VAV3: variants seen among roughly 807,000 people sequenced by gnomAD.
VAV3 encodes the protein vav guanine nucleotide exchange factor 3, also known as guanine nucleotide exchange factor VAV3.
Under a neutral mutation model 131.2 loss-of-function variants are expected in VAV3, and 94 were observed. The ratio of observed to expected loss-of-function variants is 0.72; its 90% CI spans 0.61 to 0.85. The LOEUF (loss-of-function observed/expected upper bound fraction) is 0.85, where lower values mean the gene tolerates loss of function less well. VAV3 is among the 40% of genes least tolerant of loss of function. The pLI is 0.00. For synonymous variants in VAV3, 349 were observed against 342.0 expected (o/e 1.02, Z -0.22); for missense variants, 939 against 1,002.7 (o/e 0.94, Z 0.86).
Position 107,613,111 on chromosome 1 carries a change from T to C in VAV3, c.1981-3146A>G, listed in dbSNP as rs143332310. Among the ~76,000 whole-genome samples the C allele has an allele frequency of 3.3e-5, 5 of 152,292 alleles. No homozygotes were observed. In the East Asian group the frequency reaches 5.8e-4, roughly 18 times the overall value. ...GTGGAAACTCTTGTTGCTTCTATTATTTCTGTTGTTAGCTGGGTCTAATAA... is the reference window on the plus strand; with the variant it reads ...GTGGAAACTCTTGTTGCTTCTATTACTTCTGTTGTTAGCTGGGTCTAATAA... On this transcript the variant is annotated intron_variant, in intron 21 of 26. Coordinates refer to ENST00000370056, the MANE Select transcript of VAV3 (RefSeq NM_006113.5).
At chr1:107,675,252 TATC>T (rs1189654191) in intron 19 of VAV3, among the ~76,000 whole-genome samples, 2 of 152,216 alleles carry the variant, frequency 1.3e-5, no homozygotes, top group Non-Finnish European at 2.9e-5. Context: ...TAACCACCAC[TATC>T]ATCATAATCT....
At chr1:107,842,716 T>C (rs541802523) in intron 2 of VAV3, among the ~76,000 whole-genome samples, 2 of 152,262 alleles carry the variant, frequency 1.3e-5, no homozygotes, top group African/African-American at 4.8e-5. Flanking sequence ...GGGTGTCATT[T>C]TTACGCATTT....
At chr1:107,814,519 T>G (rs916123007) in intron 2 of VAV3, among the ~76,000 whole-genome samples, 13 of 152,240 alleles carry the variant, frequency 8.5e-5, no homozygotes, top group Admixed American at 6.5e-4. Flanking sequence ...CCCAGTATAT[T>G]CTGGATATTA....
chr1:107,605,696 T>G (rs902638882), intron 22 of VAV3, among the ~76,000 whole-genome samples: 2 of 152,174 alleles, frequency 1.3e-5, no homozygotes, highest in African/African-American at 4.8e-5. Context: ...CTTTGCTTCA[T>G]GCACAAAATT....
rs1454459010 is a variant in VAV3 at position 107,774,440 on chromosome 1, C to T, written c.447-1597G>A. 5.3e-5 allele frequency among the ~76,000 whole-genome samples: 8 copies of T among 152,140 alleles called. 1 individual carries two copies. Among genetic ancestry groups the T allele is most frequent in the South Asian group, 4.1e-4 (2 of 4,830 alleles). Reference sequence around the variant, plus strand: ...GCATGCGTGCATGCAAGTGCACAAACGCAAACACACACACAAGACTGGTCT... The same window carrying T: ...GCATGCGTGCATGCAAGTGCACAAATGCAAACACACACACAAGACTGGTCT... On this transcript the variant is annotated intron_variant, in intron 4 of 26. Coordinates refer to ENST00000370056, the MANE Select transcript of VAV3 (RefSeq NM_006113.5).
chr1:107,617,027 G>A (rs774016976), intron 21 of VAV3, among the ~76,000 whole-genome samples: 1 of 152,120 alleles, frequency 6.6e-6, no homozygotes, highest in Non-Finnish European at 1.5e-5. Flanking sequence ...AATATTAATT[G>A]AGGAAATGTT....
chr1:107,757,415 A>T, intron 10 of VAV3, 86 bp from the exon 11 acceptor site: 1 of 1,140,378 alleles, frequency 8.8e-7, no homozygotes, highest in South Asian at 1.6e-5. Context: ...ATAAACCATT[A>T]TTATTGGTTT....
intron 1 of VAV3, among the ~76,000 whole-genome samples, chr1:107,879,409 A>G (rs1015153516): frequency 2.0e-5 from 3 of 152,218 alleles, no homozygotes; most frequent in African/African-American, 2.4e-5. Flanking sequence ...AGAAAATTCT[A>G]TAATTTTCTT....
At chr1:107,961,947 A>AT (rs1675109939) in intron 1 of VAV3, among the ~76,000 whole-genome samples, 1 of 152,220 alleles carries the variant, frequency 6.6e-6, no homozygotes, top group African/African-American at 2.4e-5. Flanking sequence ...ATAAACACTC[A>AT]TTTTAAAAGG....
chr1:107,704,716 C>A, intron 16 of VAV3, 66 bp from the exon 17 acceptor site: 18 of 1,329,462 alleles, frequency 1.4e-5, no homozygotes, highest in Admixed American at 1.3e-4. Flanking sequence ...GAAATTACTG[C>A]AAGAAGAAGA....
chr1:107,946,281 G>C (rs895490933), intron 1 of VAV3, among the ~76,000 whole-genome samples: 5 of 152,138 alleles, frequency 3.3e-5, no homozygotes, highest in African/African-American at 1.2e-4. Context: ...TGCAATAATA[G>C]CTTGACCAGT....
At chr1:107,830,283 G>T (rs1668197166) in intron 2 of VAV3, among the ~76,000 whole-genome samples, 1 of 151,436 alleles carries the variant, frequency 6.6e-6, no homozygotes. Context: ...GCCCACTACA[G>T]CCTCCAGTTC....
intron 2 of VAV3, among the ~76,000 whole-genome samples, chr1:107,823,846 G>A (rs1403622946): frequency 1.3e-5 from 2 of 152,170 alleles, no homozygotes; most frequent in Non-Finnish European, 2.9e-5. Context: ...ATTGAGGAAA[G>A]GTCATGAGAA....
chr1:107,855,637 T>C (rs1268247930), intron 2 of VAV3, among the ~76,000 whole-genome samples: 1 of 152,122 alleles, frequency 6.6e-6, no homozygotes, highest in African/African-American at 2.4e-5. Context: ...GTGTAACAAC[T>C]GGAGCTTACC....
chr1:107,760,070 T>C (rs1385985159), intron 10 of VAV3, among the ~76,000 whole-genome samples: 4 of 152,194 alleles, frequency 2.6e-5, no homozygotes, highest in Non-Finnish European at 4.4e-5. Context: ...GTTCAAGAAA[T>C]TTAATATACA....
Position 107,804,743 on chromosome 1 carries a change from T to C in VAV3, c.322-25251A>G, listed in dbSNP as rs554041793. On this transcript the variant is annotated intron_variant, in intron 2 of 26. Coordinates refer to ENST00000370056, the MANE Select transcript of VAV3 (RefSeq NM_006113.5). The stretch of plus-strand genomic sequence containing the variant: ...ACTTCAGTTTTACCAGTGGGTTTTA[T>C]ACTTTCAAATATTTTTGGTTTTTTT... Among the ~76,000 whole-genome samples, 5 of 150,636 alleles carry C rather than the reference T, an allele frequency of 3.3e-5. No individual in the cohort carries two copies. The South Asian group carries it at 1.1e-3, about 32-fold the overall frequency.
intron 20 of VAV3, among the ~76,000 whole-genome samples, chr1:107,628,323 C>T (rs1364439651): frequency 6.6e-6 from 1 of 152,096 alleles, no homozygotes; most frequent in Admixed American, 6.6e-5. Context: ...ATACAGCAGT[C>T]CTGTGGGAAG....
rs1338522764 is a variant in VAV3, at chr1:107,957,800, T to C, written c.204+6866A>G. 3.9e-5 allele frequency among the ~76,000 whole-genome samples: 6 copies of C among 152,146 alleles called. No homozygotes were observed. The South Asian group carries it at 1.2e-3, about 32-fold the overall frequency. ...AAAATAATAAAAACAATCCACTGTA[T>C]TTGAAAATTAGAAAATATGTGGTGA... is the stretch of plus-strand genomic sequence containing the variant. On this transcript the variant is annotated intron_variant, in intron 1 of 26. Transcript: ENST00000370056.
chr1:107,894,384 G>A (rs1322046492), intron 1 of VAV3, among the ~76,000 whole-genome samples: 1 of 152,146 alleles, frequency 6.6e-6, no homozygotes, highest in Non-Finnish European at 1.5e-5. Flanking sequence ...TAAGTAAAAT[G>A]TCTTCCTATT....
Sources: allele counts gnomAD v4.1 joint callset (sites outside exome capture counted in the v4.1 genomes callset), GRCh38; gene constraint gnomAD v4.1.1; transcripts MANE v1.5; gene names NCBI Gene and HGNC (gene_info 2026-07-23, HGNC 2026-07-21).